Variants in PBX1 observed in about 807,000 individuals in gnomAD.
PBX1 encodes the protein PBX homeobox 1.
A neutral mutation model predicts 53.4 loss-of-function variants in PBX1; 6 were observed. The ratio of observed to expected loss-of-function variants is 0.11; its 90% confidence interval spans 0.06 to 0.22. The LOEUF (loss-of-function observed/expected upper bound fraction) is 0.22. PBX1 is among the 10% of genes least tolerant of loss of function. The pLI is 1.00. For synonymous variants in PBX1, 204 were observed against 212.3 expected, an observed-to-expected ratio of 0.96 and a Z score of 0.34; for missense variants, 251 against 551.4, an observed-to-expected ratio of 0.46 and a Z score of 5.46.
At chr1:164,632,204 G>A (rs1001808085) in intron 2 of PBX1, among the ~76,000 whole-genome samples, 4 of 152,090 alleles carry the variant, frequency 2.6e-5, no homozygotes, top group African/African-American at 4.8e-5. Context: ...GGACCTTGCC[G>A]CAGCCTAGGC....
chr1:164,706,484 TA>T (rs1663431836), intron 2 of PBX1, among the ~76,000 whole-genome samples: 1 of 152,214 alleles, frequency 6.6e-6, no homozygotes, highest in Admixed American at 6.5e-5. Context: ...ACGGTTTCCT[TA>T]AATCATAATA....
At chr1:164,562,452 T>TACACACACACACAC (rs6143458) in intron 1 of PBX1, among the ~76,000 whole-genome samples, 1,744 of 143,350 alleles carry the variant, frequency 0.012, 56 homozygotes, top group East Asian at 0.12. Context: ...GCATTCAGAA[T>TACACACACACACAC]ACACACACAC....
intron 2 of PBX1, among the ~76,000 whole-genome samples, chr1:164,667,666 A>G (rs1274890137): frequency 2.0e-5 from 3 of 151,704 alleles, no homozygotes; most frequent in Non-Finnish European, 2.9e-5. Context: ...CTATTAAGAA[A>G]TGGCCACAAA....
chr1:164,770,274 G>A (rs1455692822), intron 2 of PBX1: 1 of 152,154 alleles, frequency 6.6e-6, no homozygotes, highest in Admixed American at 6.5e-5. Flanking sequence ...AAAGTTGAGT[G>A]ACTTTCCCAA....
intron 2 of PBX1, among the ~76,000 whole-genome samples, chr1:164,708,963 G>A (rs1169388064): frequency 2.0e-5 from 3 of 152,140 alleles, no homozygotes; most frequent in South Asian, 4.2e-4. Flanking sequence ...GTAGGTGCTG[G>A]GGATACTGAC....
intron 2 of PBX1, among the ~76,000 whole-genome samples, chr1:164,755,531 C>T (rs1385508261): frequency 6.6e-6 from 1 of 152,072 alleles, no homozygotes; most frequent in African/African-American, 2.4e-5. Flanking sequence ...AAAATGTGCT[C>T]AGTGCCAGAA....
intron 2 of PBX1, among the ~76,000 whole-genome samples, chr1:164,737,853 G>A (rs1053147367): frequency 3.3e-5 from 5 of 152,048 alleles, no homozygotes; most frequent in African/African-American, 1.2e-4. Context: ...CCATCACACC[G>A]AAAGGTCTCC....
At chr1:164,628,823 A>G (rs1658218327) in intron 2 of PBX1, among the ~76,000 whole-genome samples, 1 of 152,164 alleles carries the variant, frequency 6.6e-6, no homozygotes, top group Non-Finnish European at 1.5e-5. Flanking sequence ...AGTGAGCTAT[A>G]CAGGTCTTCC....
At chr1:164,747,744 A>T (rs1301081431) in intron 2 of PBX1, among the ~76,000 whole-genome samples, 2 of 152,146 alleles carry the variant, frequency 1.3e-5, no homozygotes, top group African/African-American at 4.8e-5. Context: ...TGCTTAAGTA[A>T]TCTAGGACTC....
At chr1:164,791,910 C>T (rs1280700897) in intron 2 of PBX1, among the ~76,000 whole-genome samples, 2 of 151,980 alleles carry the variant, frequency 1.3e-5, no homozygotes, top group Admixed American at 6.6e-5. Context: ...CTGCAGCCTC[C>T]GCCTCCTGGG....
intron 2 of PBX1, among the ~76,000 whole-genome samples, chr1:164,747,961 T>G (rs1350896998): frequency 6.6e-6 from 1 of 152,104 alleles, no homozygotes; most frequent in African/African-American, 2.4e-5. Context: ...GTATGCATCA[T>G]AAGTAAATGA....
intron 2 of PBX1, among the ~76,000 whole-genome samples, chr1:164,864,194 G>A (rs1348677789): frequency 6.6e-6 from 1 of 152,078 alleles, no homozygotes; most frequent in Non-Finnish European, 1.5e-5. Flanking sequence ...GCTGGCAGGA[G>A]TAAGTTTAGA....
chr1:164,620,324 A>G (rs753667551), intron 2 of PBX1, among the ~76,000 whole-genome samples: 27 of 152,180 alleles, frequency 1.8e-4, no homozygotes, highest in Non-Finnish European at 2.6e-4. Context: ...TTCATAAGGC[A>G]TTATTTTGAG....
chr1:164,616,071 A>C (rs1657255629), intron 2 of PBX1, among the ~76,000 whole-genome samples: 2 of 152,076 alleles, frequency 1.3e-5, no homozygotes, highest in African/African-American at 2.4e-5. Context: ...GGTCTTGTAA[A>C]CCATGGGATA....
At chr1:164,627,818 G>A (rs1658142447) in intron 2 of PBX1, among the ~76,000 whole-genome samples, 1 of 151,976 alleles carries the variant, frequency 6.6e-6, no homozygotes, top group African/African-American at 2.4e-5. Flanking sequence ...TTTCTCCAGT[G>A]GGCTTGGAGA....
At chr1:164,613,119 T>C (rs1657044593) in intron 2 of PBX1, among the ~76,000 whole-genome samples, 2 of 152,204 alleles carry the variant, frequency 1.3e-5, no homozygotes, top group Non-Finnish European at 2.9e-5. Flanking sequence ...ATTTTGAAAA[T>C]ACAACTAGTA....
chr1:164,857,599 C>T (rs1041191240), intron 2 of PBX1, among the ~76,000 whole-genome samples: 4 of 152,138 alleles, frequency 2.6e-5, no homozygotes, highest in African/African-American at 9.7e-5. Context: ...TTCTGGTGAC[C>T]AGCTTCATAC....
chr1:164,580,558 G>A (rs1654542987), intron 2 of PBX1, among the ~76,000 whole-genome samples: 1 of 152,028 alleles, frequency 6.6e-6, no homozygotes, highest in Non-Finnish European at 1.5e-5. Flanking sequence ...GGGATTACAG[G>A]CGTTGAGCCA....
chr1:164,616,440 C>G (rs1369191529), intron 2 of PBX1, among the ~76,000 whole-genome samples: 2 of 152,154 alleles, frequency 1.3e-5, no homozygotes, highest in Non-Finnish European at 2.9e-5. Flanking sequence ...TAATGTCTTG[C>G]AATTACTTAG....
Sources: allele counts gnomAD v4.1 joint callset (sites outside exome capture counted in the v4.1 genomes callset), GRCh38; gene constraint gnomAD v4.1.1; transcripts MANE v1.5; gene names NCBI Gene and HGNC (gene_info 2026-07-23, HGNC 2026-07-21).